The following ST14 variants were observed in gnomAD, a reference collection of about 807,000 sequenced individuals.
ST14 encodes ST14 transmembrane serine protease matriptase, also known as suppressor of tumorigenicity 14 protein.
Under a neutral mutation model 96.5 loss-of-function variants are expected in ST14, and 40 were observed. The observed-to-expected ratio is 0.41, with a 90% CI of 0.32 to 0.54. The LOEUF (loss-of-function observed/expected upper bound fraction) is 0.54, where lower values mean the gene tolerates loss of function less well. Among genes scored for constraint, ST14 ranks in the 20% least tolerant of loss-of-function variants. ST14 has a pLI of 0.17. For synonymous variants in ST14, 506 were observed against 492.1 expected, an observed-to-expected ratio of 1.03 and a Z score of -0.37; for missense variants, 1,066 against 1,188.9, an observed-to-expected ratio of 0.90 and a Z score of 1.52.
rs559617396 is a variant in ST14 at position 130,187,633 on chromosome 11, G to C, written c.82-481G>C. On this transcript the variant is annotated intron_variant, in intron 1 of 18. Transcript: ENST00000278742. This position sits in a 1 kb window ranked among gnomAD's most constrained non-coding sequence, Gnocchi z 4.5. ...CCACAGGCTCCTGGGCCAGGTGATG[G>C]GGGGATTGAATCTGGTAGGGGCTGT... 6.6e-6 allele frequency among the ~76,000 whole-genome samples: 1 copy of C among 152,224 alleles called. No homozygotes were observed. Among genetic ancestry groups the C allele is most frequent in the African/African-American group, 2.4e-5 (1 of 41,540 alleles).
chr11:130,198,318 C>G lies in ST14; in HGVS notation c.1470C>G (p.Ala490=). 1 of 1,614,154 alleles carries G rather than the reference C, an allele frequency of 6.2e-7. No individual in the cohort carries two copies. Among genetic ancestry groups the G allele is most frequent in the Non-Finnish European group, 8.5e-7 (1 of 1,180,036 alleles). ...CTTACCCCACTCCAGGTTGCGACGC[C>G]GGCCACCAGTTCACGTGCAAGAACA... ...HSDELNCSCD[A]GHQFTCKNKF... Residue 490 remains alanine, a synonymous_variant, in exon 13 of 19, where the codon GCC becomes GCG. Coordinates refer to ENST00000278742, the MANE Select transcript of ST14 (RefSeq NM_021978.4).
At chr11:130,205,699 G>A (rs1315625873) in intron 16 of ST14, among the ~76,000 whole-genome samples, 1 of 94,630 alleles carries the variant, frequency 1.1e-5, no homozygotes, top group Non-Finnish European at 2.0e-5. Flanking sequence ...TTCTTTAGAC[G>A]TTTTTTTTTT....
chr11:130,189,397 C>T (rs1953270901), intron 4 of ST14: 1 of 468,232 alleles, frequency 2.1e-6, no homozygotes. Context: ...AGGTGGCATT[C>T]CCAGTTCCTT....
chr11:130,163,553 T>C (rs144687426), intron 1 of ST14, among the ~76,000 whole-genome samples: 52 of 152,306 alleles, frequency 3.4e-4, no homozygotes, highest in African/African-American at 1.3e-3. Context: ...TGTGCCCACA[T>C]AAAACTTTAG....
rs144266633 is a variant in ST14 at position 130,190,558 on chromosome 11, G to A, written c.739G>A (p.Ala247Thr). 778 of 1,612,202 alleles carry A rather than the reference G, an allele frequency of 4.8e-4. No individual in the cohort carries two copies. Among genetic ancestry groups the A allele is most frequent in the Non-Finnish European group, 6.3e-4 (739 of 1,179,848 alleles). Residue 247 changes from alanine (A) to threonine (T), a missense_variant, in exon 7 of 19, where the codon GCC (alanine) becomes ACC (threonine). Physicochemically the swap from Ala to Thr is moderately conservative, Grantham distance 58 (BLOSUM62 0). Transcript: ENST00000278742. ...PYPAHARCQW[A>T]LRGDADSVLS... ...CCCCGCTCATGCCCGCTGCCAGTGG[G>A]CCCTGCGGGGGGACGCCGACTCAGT...
Position 130,188,804 on chromosome 11 carries a change from C to T in ST14, c.370-65C>T. The T allele has an allele frequency of 5.0e-6, 8 of 1,602,224 alleles. No individual in the cohort carries two copies. The highest frequency in any genetic ancestry group is 6.8e-6 in the Non-Finnish European group (8 of 1,172,648). ...GACCCGGGCCCTGGAGGGGAGGGAGCAGCCCGGGCTTGGGGCAGGGTCATC... is the reference window on the plus strand; with the variant it reads ...GACCCGGGCCCTGGAGGGGAGGGAGTAGCCCGGGCTTGGGGCAGGGTCATC... On this transcript the variant is annotated intron_variant, in intron 3 of 18. Transcript: ENST00000278742. The surrounding 1 kb of genome is among the most constrained non-coding windows in gnomAD (Gnocchi z 5.4).
intron 1 of ST14, among the ~76,000 whole-genome samples, chr11:130,176,716 C>T (rs1221535953): frequency 6.6e-6 from 1 of 150,616 alleles, no homozygotes; most frequent in Non-Finnish European, 1.5e-5. Context: ...CTTGAGCTGG[C>T]TCTTTGCCTG....
intron 15 of ST14, 115 bp from the exon 16 acceptor site, chr11:130,199,836 C>A: frequency 1.5e-6 from 2 of 1,305,072 alleles, no homozygotes; most frequent in Non-Finnish European, 1.1e-6. Context: ...CAGTGCTGTG[C>A]ACGCCAAAAG....
chr11:130,169,092 G>GTT (rs59747710), intron 1 of ST14, among the ~76,000 whole-genome samples: 4,430 of 112,218 alleles, frequency 0.039, 412 homozygotes, highest in African/African-American at 0.15. Context: ...AATATAATGG[G>GTT]TTTTTTTTTT....
chr11:130,198,795 G>A, intron 14 of ST14, 152 bp from the exon 15 acceptor site: 2 of 1,517,576 alleles, frequency 1.3e-6, no homozygotes, highest in Non-Finnish European at 1.8e-6. Context: ...TGGAGAACCT[G>A]TAGCAGGGCA....
Position 130,188,686 on chromosome 11 carries a change from G to A in ST14, c.369+29G>A. 6.2e-7 allele frequency: 1 copy of A among 1,613,894 alleles called. No homozygotes were observed. Among genetic ancestry groups the A allele is most frequent in the Non-Finnish European group, 8.5e-7 (1 of 1,180,022 alleles). The stretch of plus-strand genomic sequence containing the variant: ...AGTGCAGCCTGCCCAGAGTCCTGCT[G>A]GGCTGTGTGCGCTGGTGTCCCACCT... On this transcript the variant is annotated intron_variant, in intron 3 of 18. Coordinates refer to ENST00000278742, the MANE Select transcript of ST14 (RefSeq NM_021978.4). This position sits in a 1 kb window ranked among gnomAD's most constrained non-coding sequence, Gnocchi z 5.4.
In ST14 at chr11:130,199,944, T is replaced by C; in HGVS notation, c.1808-7T>C. ...TGCTGTCCTCTGGTTCTCTGCTCCC[T>C]CTGCAGACTGTGGGCTGCGGTCATT... On this transcript the variant is annotated splice_region_variant and splice_polypyrimidine_tract_variant and intron_variant, in intron 15 of 18. Coordinates refer to ENST00000278742, the MANE Select transcript of ST14 (RefSeq NM_021978.4). 1 of 1,614,152 alleles carries C rather than the reference T, an allele frequency of 6.2e-7. No individual in the cohort carries two copies. Among genetic ancestry groups the C allele is most frequent in the Non-Finnish European group, 8.5e-7 (1 of 1,179,996 alleles).
chr11:130,186,035 C>T (rs1338475583), intron 1 of ST14, among the ~76,000 whole-genome samples: 3 of 151,994 alleles, frequency 2.0e-5, no homozygotes, highest in East Asian at 1.9e-4. Flanking sequence ...CTCGAACTCC[C>T]GACCTCAGAT....
chr11:130,163,436 T>C (rs544344748), intron 1 of ST14, among the ~76,000 whole-genome samples: 1 of 152,268 alleles, frequency 6.6e-6, no homozygotes, highest in East Asian at 1.9e-4. Flanking sequence ...TTTTTAGACA[T>C]GGGGGTCTTG....
At chr11:130,175,788 C>T (rs1312413442) in intron 1 of ST14, among the ~76,000 whole-genome samples, 2 of 151,996 alleles carry the variant, frequency 1.3e-5, no homozygotes, top group African/African-American at 2.4e-5. Flanking sequence ...CTCAGCCTCC[C>T]GAGTAGCTGG....
chr11:130,208,433 C>T lies in ST14; in HGVS notation c.2018C>T (p.Thr673Met). 1.2e-6 allele frequency: 2 copies of T among 1,614,122 alleles called. No homozygotes were observed. The highest frequency in any genetic ancestry group is 1.7e-6 in the Non-Finnish European group (2 of 1,180,044). The change falls in exon 17 of 19, where the codon ACG becomes ATG. Residue 673 changes from threonine (T) to methionine (M), a missense_variant. Physicochemically the swap from Thr to Met is moderately conservative, Grantham distance 81. Coordinates refer to ENST00000278742, the MANE Select transcript of ST14 (RefSeq NM_021978.4). ...AGGTACTCAGACCCCACGCAGTGGA[C>T]GGCCTTCCTGGGCTTGCACGACCAG... ...GFRYSDPTQW[T>M]AFLGLHDQSQ...
Position 130,188,001 on chromosome 11 carries a change from G to T in ST14, c.82-113G>T. ...GGGAAGCCCCCTTCTTCTCACCCAA[G>T]CCCCTGCTTTCTTCTCCAAGCTGGA... On this transcript the variant is annotated intron_variant, in intron 1 of 18. Transcript: ENST00000278742. The surrounding 1 kb of genome is among the most constrained non-coding windows in gnomAD (Gnocchi z 5.4). 6.9e-7 allele frequency: 1 copy of T among 1,451,846 alleles called. No individual in the cohort carries two copies. Among genetic ancestry groups the T allele is most frequent in the Non-Finnish European group, 9.4e-7 (1 of 1,066,034 alleles). The allele number at this position is 1,451,846 out of a possible 1,614,324, so 89.9% of individuals were successfully genotyped here.
intron 1 of ST14, among the ~76,000 whole-genome samples, chr11:130,177,012 A>T (rs576837740): frequency 1.3e-5 from 2 of 150,022 alleles, no homozygotes; most frequent in African/African-American, 4.9e-5. Flanking sequence ...GTTAGCCAAG[A>T]TGATCTCGAT....
intron 16 of ST14, among the ~76,000 whole-genome samples, chr11:130,206,286 G>T (rs1425124417): frequency 6.6e-6 from 1 of 152,176 alleles, no homozygotes; most frequent in African/African-American, 2.4e-5. Context: ...AAGGGGGCTG[G>T]TCGGGAGAGG....
Sources: gnomAD v4.1 joint callset for allele counts (sites outside exome capture counted in the v4.1 genomes callset) on GRCh38, gnomAD v4.1.1 for gene constraint, Gnocchi (gnomAD v3.1) non-coding constraint, MANE v1.5 for transcripts, NCBI Gene and HGNC (gene_info 2026-07-23, HGNC 2026-07-21) for gene names.